Variants in ZBTB20 observed in about 807,000 individuals in gnomAD.
ZBTB20 encodes the protein zinc finger and BTB domain-containing protein 20.
Under a neutral mutation model 56.9 loss-of-function variants are expected in ZBTB20, and 9 were observed. The observed-to-expected ratio is 0.16, with a 90% CI of 0.10 to 0.28. The LOEUF is 0.28. Among genes scored for constraint, ZBTB20 ranks in the 10% least tolerant of loss-of-function variants. The probability of loss-of-function intolerance (pLI) is 1.00; values close to 1 mark genes in which losing one functional copy is unlikely to be tolerated. For synonymous variants in ZBTB20, 417 were observed against 420.7 expected, an observed-to-expected ratio of 0.99 and a Z score of 0.11; for missense variants, 655 against 1,003.0, an observed-to-expected ratio of 0.65 and a Z score of 4.69.
chr3:115,048,839 T>C lies in ZBTB20; in HGVS notation c.-507+22380A>G, dbSNP rs76247451. The stretch of plus-strand genomic sequence containing the variant: ...TTAAAACAGTAATTTTTGGATGATA[T>C]ATAAAAGAGTATTTATTAAAGACTT... On this transcript the variant is annotated intron_variant, in intron 2 of 11. Coordinates refer to ENST00000675478, the MANE Select transcript of ZBTB20 (RefSeq NM_001348800.3). Among the ~76,000 whole-genome samples, 633 of 152,266 alleles carry C rather than the reference T, an allele frequency of 4.2e-3. 5 individuals carry two copies. Among genetic ancestry groups the C allele is most frequent in the African/African-American group, 0.014 (590 of 41,536 alleles).
chr3:115,008,661 T>C (rs1441461658), intron 2 of ZBTB20, among the ~76,000 whole-genome samples: 1 of 151,942 alleles, frequency 6.6e-6, no homozygotes, highest in Non-Finnish European at 1.5e-5. Flanking sequence ...GACTAAAATC[T>C]AGATCCACTT....
chr3:115,089,517 A>G (rs971911816), intron 1 of ZBTB20, among the ~76,000 whole-genome samples: 4 of 151,890 alleles, frequency 2.6e-5, no homozygotes, highest in African/African-American at 9.7e-5. Context: ...CTAAGCAACA[A>G]TTATGATAGC....
chr3:115,127,975 T>G (rs2084380537), intron 1 of ZBTB20, among the ~76,000 whole-genome samples: 1 of 152,174 alleles, frequency 6.6e-6, no homozygotes, highest in South Asian at 2.1e-4. Flanking sequence ...AATTTCCCAT[T>G]TCCTTGGTGT....
chr3:114,942,920 G>T (rs1362580779), intron 3 of ZBTB20, among the ~76,000 whole-genome samples: 28 of 145,286 alleles, frequency 1.9e-4, no homozygotes, highest in Non-Finnish European at 7.4e-5. Flanking sequence ...CAAGATCCTG[G>T]ATAAACTGTA....
intron 1 of ZBTB20, among the ~76,000 whole-genome samples, chr3:115,097,602 G>A (rs1404421205): frequency 2.0e-5 from 3 of 152,084 alleles, no homozygotes; most frequent in Non-Finnish European, 2.9e-5. Context: ...TAACTTCTTA[G>A]AGCACTTCCT....
At chr3:115,084,764 C>T (rs2082925485) in intron 1 of ZBTB20, among the ~76,000 whole-genome samples, 2 of 151,856 alleles carry the variant, frequency 1.3e-5, no homozygotes, top group Admixed American at 6.6e-5. Flanking sequence ...TGACCAAGAC[C>T]GAACTAGCAA....
chr3:114,968,483 ACAAGGCTGAAGTC>A (rs1210148566), intron 3 of ZBTB20, among the ~76,000 whole-genome samples: 4 of 152,212 alleles, frequency 2.6e-5, no homozygotes, highest in African/African-American at 9.7e-5. Flanking sequence ...CTTTTACTGA[ACAAGGCTGAAGTC>A]CAACATAATG....
intron 6 of ZBTB20, among the ~76,000 whole-genome samples, chr3:114,533,608 C>T (rs930151028): frequency 1.4e-4 from 21 of 152,108 alleles, no homozygotes; most frequent in African/African-American, 5.1e-4. Flanking sequence ...GCAAGACAGG[C>T]CAACATTCAA....
At chr3:114,654,930 C>G (rs1338110182) in intron 6 of ZBTB20, among the ~76,000 whole-genome samples, 1 of 152,070 alleles carries the variant, frequency 6.6e-6, no homozygotes, top group African/African-American at 2.4e-5. Context: ...GGCATAAAGT[C>G]TATTCTTTGT....
chr3:115,052,079 G>T (rs973016582), intron 2 of ZBTB20, among the ~76,000 whole-genome samples: 5 of 152,220 alleles, frequency 3.3e-5, no homozygotes, highest in South Asian at 4.1e-4. Flanking sequence ...TGAGATTTGG[G>T]TGGGGACACA....
At position 114,351,848 on chromosome 3, in the gene ZBTB20, C is replaced by T. The variant is rs749224709; in HGVS notation, c.230G>A (p.Arg77His). ...GTTGTGAAGGTTGATGCTGTGAATG[C>T]GCTCGGTCATCCCCTTGCAACTGAT... ...CDISCKGMTE[R>H]IHSINLHNFS... is the part of the protein sequence containing the mutation. Residue 77 changes from arginine to histidine, a missense_variant, in exon 11 of 12, where the codon CGC becomes CAC. Transcript: ENST00000675478. 6.3e-7 allele frequency: 1 copy of T among 1,599,020 alleles called. No individual in the cohort carries two copies. Among genetic ancestry groups the T allele is most frequent in the South Asian group, 1.1e-5 (1 of 90,318 alleles).
At chr3:114,888,454 A>G (rs2076687909) in intron 4 of ZBTB20, among the ~76,000 whole-genome samples, 1 of 152,190 alleles carries the variant, frequency 6.6e-6, no homozygotes, top group African/African-American at 2.4e-5. Context: ...TAAATAATTA[A>G]TATCTTACAA....
rs191355767 is a variant in ZBTB20, at chr3:114,944,568, C to T, written c.-456+29798G>A. Among the ~76,000 whole-genome samples, 36 of 145,578 alleles carry T rather than the reference C, an allele frequency of 2.5e-4. 7 individuals are homozygous for T. The highest frequency in any genetic ancestry group is 8.4e-4 in the African/African-American group (30 of 35,852). On this transcript the variant is annotated intron_variant, in intron 3 of 11. Transcript: ENST00000675478. Reference sequence around the variant, plus strand: ...AGCATTATTCACGATAGCTAAGATACGGAAGCAACCTAAGTGGCATCAGCA... The same window carrying T: ...AGCATTATTCACGATAGCTAAGATATGGAAGCAACCTAAGTGGCATCAGCA...
intron 1 of ZBTB20, among the ~76,000 whole-genome samples, chr3:115,122,608 T>A (rs562622375): frequency 6.6e-6 from 1 of 152,130 alleles, no homozygotes; most frequent in Non-Finnish European, 1.5e-5. Flanking sequence ...AGTGCCTTTA[T>A]TTGTCCTGCC....
chr3:114,802,978 A>G (rs1184005824), intron 4 of ZBTB20, among the ~76,000 whole-genome samples: 1 of 151,906 alleles, frequency 6.6e-6, no homozygotes, highest in Non-Finnish European at 1.5e-5. Flanking sequence ...TTGAACTATC[A>G]GCTCAAAATA....
intron 1 of ZBTB20, among the ~76,000 whole-genome samples, chr3:115,124,279 C>T (rs1352306257): frequency 6.6e-6 from 1 of 152,008 alleles, no homozygotes; most frequent in Non-Finnish European, 1.5e-5. Flanking sequence ...TAGTAGTATT[C>T]CAATTGAATT....
chr3:114,547,424 A>C (rs762092565), intron 6 of ZBTB20, among the ~76,000 whole-genome samples: 1 of 152,216 alleles, frequency 6.6e-6, no homozygotes, highest in Non-Finnish European at 1.5e-5. Context: ...AAGAGATATT[A>C]CTGGGTGAGA....
intron 6 of ZBTB20, among the ~76,000 whole-genome samples, chr3:114,550,255 T>C (rs2050408866): frequency 6.6e-6 from 1 of 152,188 alleles, no homozygotes; most frequent in Non-Finnish European, 1.5e-5. Context: ...TCTTTATTTA[T>C]TTTTTCTTCC....
chr3:114,889,420 C>CAA (rs776306694), intron 4 of ZBTB20, among the ~76,000 whole-genome samples: 11 of 152,100 alleles, frequency 7.2e-5, no homozygotes, highest in Admixed American at 1.3e-4. Flanking sequence ...TCTTACAACT[C>CAA]AGAGATGAAT....
Sources: gnomAD v4.1 joint callset for allele counts (sites outside exome capture counted in the v4.1 genomes callset) on GRCh38, gnomAD v4.1.1 for gene constraint, MANE v1.5 for transcripts, NCBI Gene and HGNC (gene_info 2026-07-23, HGNC 2026-07-21) for gene names.